MCOLN2: variants seen among roughly 807,000 people sequenced by gnomAD.
The protein encoded by MCOLN2 is mucolipin-2.
In MCOLN2, 57 loss-of-function variants were observed where a neutral mutation model predicts 67.5. The ratio of observed to expected loss-of-function variants is 0.84; its 90% confidence interval spans 0.68 to 1.05. The LOEUF (loss-of-function observed/expected upper bound fraction) is 1.05, where lower values mean the gene tolerates loss of function less well. Ranked by LOEUF, MCOLN2 falls within the 50% of genes least tolerant of loss-of-function variation. The pLI is 0.00. For synonymous variants in MCOLN2, 246 were observed against 233.3 expected, an observed-to-expected ratio of 1.05 and a Z score of -0.50; for missense variants, 620 against 678.8, an observed-to-expected ratio of 0.91 and a Z score of 0.96.
chr1:84,963,876 A>G (rs1166043751), intron 2 of MCOLN2, among the ~76,000 whole-genome samples: 1 of 152,228 alleles, frequency 6.6e-6, no homozygotes, highest in Non-Finnish European at 1.5e-5. Context: ...GAACACACTA[A>G]TACAGATGGC....
At chr1:84,984,409 C>G (rs1324344119) in intron 1 of MCOLN2, among the ~76,000 whole-genome samples, 1 of 152,138 alleles carries the variant, frequency 6.6e-6, no homozygotes, top group African/African-American at 2.4e-5. Flanking sequence ...TTGCACAATC[C>G]TTTTGCTCAA....
At chr1:84,933,601 G>A (rs1000240495) in intron 11 of MCOLN2, among the ~76,000 whole-genome samples, 4 of 152,178 alleles carry the variant, frequency 2.6e-5, no homozygotes, top group African/African-American at 9.7e-5. Flanking sequence ...ATTAAAGTTG[G>A]TTTCTATGGA....
chr1:84,982,451 T>C (rs559403918), intron 1 of MCOLN2, among the ~76,000 whole-genome samples: 1 of 152,342 alleles, frequency 6.6e-6, no homozygotes, highest in South Asian at 2.1e-4. Flanking sequence ...CAATTCATTT[T>C]TAATATCCTC....
chr1:84,971,376 G>T (rs1649671863), intron 1 of MCOLN2, among the ~76,000 whole-genome samples: 1 of 151,982 alleles, frequency 6.6e-6, no homozygotes, highest in Non-Finnish European at 1.5e-5. Flanking sequence ...TAAAAATTCT[G>T]ATATTTCAAG....
At chr1:84,929,521 C>A in intron 13 of MCOLN2, 37 bp downstream of exon 13, 2 of 1,565,278 alleles carry the variant, frequency 1.3e-6, no homozygotes, top group Non-Finnish European at 8.7e-7. Flanking sequence ...ACAGAACAGC[C>A]CATCTCAGGA....
chr1:84,978,750 T>G (rs1650113769), intron 1 of MCOLN2, among the ~76,000 whole-genome samples: 1 of 152,132 alleles, frequency 6.6e-6, no homozygotes, highest in Non-Finnish European at 1.5e-5. Context: ...GTTTCTGTAT[T>G]AGTCAGGTTC....
At chr1:84,987,206 A>G (rs60824246) in intron 1 of MCOLN2, among the ~76,000 whole-genome samples, 1 of 100,744 alleles carries the variant, frequency 9.9e-6, no homozygotes, top group African/African-American at 3.3e-5. Flanking sequence ...CTATCTATCT[A>G]TCTATATATA....
intron 6 of MCOLN2, among the ~76,000 whole-genome samples, chr1:84,949,969 A>G (rs1430657922): frequency 6.6e-6 from 1 of 152,222 alleles, no homozygotes; most frequent in African/African-American, 2.4e-5. Flanking sequence ...AATAATTATC[A>G]TGAAAACATG....
At chr1:84,982,115 T>C (rs891737794) in intron 1 of MCOLN2, among the ~76,000 whole-genome samples, 12 of 151,374 alleles carry the variant, frequency 7.9e-5, no homozygotes, top group Admixed American at 4.6e-4. Context: ...TGTATCTGAT[T>C]TGAAAAGAAG....
rs1647805716 is a variant in MCOLN2 at position 84,941,852 on chromosome 1, T to C, written c.848-861A>G. 2.0e-5 allele frequency among the ~76,000 whole-genome samples: 3 copies of C among 151,958 alleles called. No homozygotes were observed. In the South Asian group the frequency reaches 6.3e-4, roughly 32 times the overall value. On this transcript the variant is annotated intron_variant, in intron 7 of 13. Coordinates refer to ENST00000370608, the MANE Select transcript of MCOLN2 (RefSeq NM_153259.4). ...CTTGGAACAGAAGCAAGGAGGGGAGTGGTAATCAGATTTTTGGTTTGGAGC... is the reference window on the plus strand; with the variant it reads ...CTTGGAACAGAAGCAAGGAGGGGAGCGGTAATCAGATTTTTGGTTTGGAGC...
At chr1:84,986,949 C>A (rs1650537427) in intron 1 of MCOLN2, among the ~76,000 whole-genome samples, 2 of 152,032 alleles carry the variant, frequency 1.3e-5, no homozygotes, top group Admixed American at 1.3e-4. Flanking sequence ...ACTCATACAA[C>A]CACTGAAAAC....
rs1167457904 is a variant in MCOLN2, at chr1:84,952,490, A to T, written c.606T>A (p.Pro202=). The change falls in exon 5 of 14, where the codon CCT becomes CCA. Residue 202 remains proline (P), a synonymous_variant. Transcript: ENST00000370608. ...QLDLQDLSKK[P]PDWKNSSFFR... ...AGAATGATGAGTTCTTCCAGTCCGG[A>T]GGCTTCTTGGAGAGGTCCTGAAGGT... The T allele has an allele frequency of 6.2e-7, 1 of 1,613,420 alleles. No homozygotes were observed. The highest frequency in any genetic ancestry group is 1.3e-5 in the African/African-American group (1 of 75,042).
intron 1 of MCOLN2, among the ~76,000 whole-genome samples, chr1:84,990,297 CAAAAAAAAAAAAAAAAAAA>C (rs34226507): frequency 2.9e-5 from 1 of 34,958 alleles, no homozygotes; most frequent in Non-Finnish European, 4.9e-5. Flanking sequence ...GACTCCATCT[CAAAAAAAAAAAAAAAAAAA>C]AAAAAAAAAA....
chr1:84,957,791 C>T (rs539917797), intron 3 of MCOLN2, among the ~76,000 whole-genome samples: 3 of 152,152 alleles, frequency 2.0e-5, no homozygotes, highest in Non-Finnish European at 4.4e-5. Context: ...TCTAGCTCTT[C>T]GTTCCAGAAT....
intron 1 of MCOLN2, among the ~76,000 whole-genome samples, chr1:84,975,851 A>G (rs927525333): frequency 6.6e-6 from 1 of 152,142 alleles, no homozygotes; most frequent in African/African-American, 2.4e-5. Flanking sequence ...AAAAGAATCT[A>G]AAAGAAATTC....
At chr1:84,933,274 T>C (rs1310685407) in intron 11 of MCOLN2, among the ~76,000 whole-genome samples, 1 of 152,154 alleles carries the variant, frequency 6.6e-6, no homozygotes, top group African/African-American at 2.4e-5. Flanking sequence ...CACTTCCCTG[T>C]ACTCCAACTA....
chr1:84,994,769 C>G (rs1266987916), intron 1 of MCOLN2, among the ~76,000 whole-genome samples: 7 of 152,212 alleles, frequency 4.6e-5, no homozygotes, highest in African/African-American at 1.7e-4. Context: ...TGTATTTTCA[C>G]TGGAGTAGCA....
Position 84,940,926 on chromosome 1 carries a change from G to C in MCOLN2, c.913C>G (p.Leu305Val). Residue 305 changes from leucine (L) to valine (V), a missense_variant, in exon 8 of 14, where the codon CTT becomes GTT. By Grantham distance (32) the Leu-to-Val change is conservative. Transcript: ENST00000370608. ...ACAATGGATCTTGTACACAGAATAA[G>C]AGATGCCAAGCAAATCACAATGACA... ...AFVIVICLAS[L>V]ILCTRSIVLA... 6.2e-7 allele frequency: 1 copy of C among 1,613,786 alleles called. No individual in the cohort carries two copies. The highest frequency in any genetic ancestry group is 8.5e-7 in the Non-Finnish European group (1 of 1,179,804).
chr1:84,947,191 C>A, intron 6 of MCOLN2, 59 bp from the exon 7 acceptor site: 1 of 866,426 alleles, frequency 1.2e-6, no homozygotes, highest in South Asian at 1.4e-5. Flanking sequence ...CATGTTAGAT[C>A]AAATCTGCTT....
Sources: allele counts gnomAD v4.1 joint callset (sites outside exome capture counted in the v4.1 genomes callset), GRCh38; gene constraint gnomAD v4.1.1; transcripts MANE v1.5; gene names NCBI Gene and HGNC (gene_info 2026-07-23, HGNC 2026-07-21).